Variants in SCLT1 observed in about 807,000 individuals in gnomAD.
The protein encoded by SCLT1 is sodium channel and clathrin linker 1.
A neutral mutation model predicts 112.8 loss-of-function variants in SCLT1; 78 were observed. The observed-to-expected ratio is 0.69, with a 90% CI of 0.58 to 0.83. The LOEUF (loss-of-function observed/expected upper bound fraction) is 0.83. Ranked by LOEUF, SCLT1 falls within the 40% of genes least tolerant of loss-of-function variation. The pLI is 0.00. For synonymous variants in SCLT1, 257 were observed against 254.7 expected (o/e 1.01, Z -0.09); for missense variants, 747 against 770.4 (o/e 0.97, Z 0.36).
At chr4:129,058,039 A>G (rs747178469) in intron 2 of SCLT1, among the ~76,000 whole-genome samples, 2 of 152,160 alleles carry the variant, frequency 1.3e-5, no homozygotes, top group African/African-American at 2.4e-5. Flanking sequence ...ATGAGCCATC[A>G]TGCCTGGCCC....
chr4:129,038,312 T>A (rs1251695081), intron 5 of SCLT1, among the ~76,000 whole-genome samples: 1 of 152,252 alleles, frequency 6.6e-6, no homozygotes, highest in East Asian at 1.9e-4. Flanking sequence ...GTACACCTAT[T>A]TTGGAAATTA....
chr4:128,999,973 G>A (rs1194932653), intron 6 of SCLT1, among the ~76,000 whole-genome samples, 179 bp from the exon 7 acceptor site: 1 of 151,840 alleles, frequency 6.6e-6, no homozygotes, highest in African/African-American at 2.4e-5. Context: ...ATAATTTAGA[G>A]AGTAAACTTG....
At chr4:129,086,700 CG>C (rs1561071335) in intron 1 of SCLT1, among the ~76,000 whole-genome samples, 1 of 151,882 alleles carries the variant, frequency 6.6e-6, no homozygotes, top group Non-Finnish European at 1.5e-5. Context: ...TACTGACAAG[CG>C]CAGAAGGACT....
At chr4:129,059,366 T>G (rs180772180) in intron 2 of SCLT1, among the ~76,000 whole-genome samples, 1 of 152,314 alleles carries the variant, frequency 6.6e-6, no homozygotes, top group East Asian at 1.9e-4. Flanking sequence ...CTCCTGTTTT[T>G]CTCTTATTAT....
Position 128,916,689 on chromosome 4 carries a change from C to T in SCLT1, c.1829+19966G>A, listed in dbSNP as rs891127527. ...AACAGACACTTACTTTTTCATCTAC[C>T]GTTTCAACACAGTGTAAAAACAAAT... On this transcript the variant is annotated intron_variant, in intron 18 of 20. Coordinates refer to ENST00000281142, the MANE Select transcript of SCLT1 (RefSeq NM_144643.4). Among the ~76,000 whole-genome samples, 10 of 152,196 alleles carry T rather than the reference C, an allele frequency of 6.6e-5. No individual in the cohort carries two copies. The South Asian group carries it at 8.3e-4, about 13-fold the overall frequency.
intron 20 of SCLT1, among the ~76,000 whole-genome samples, chr4:128,888,045 C>A (rs550054120): frequency 1.3e-5 from 2 of 152,276 alleles, no homozygotes; most frequent in Admixed American, 6.5e-5. Flanking sequence ...CACATCTATG[C>A]TGTCCAATGT....
intron 11 of SCLT1, 23 bp downstream of exon 11, chr4:128,965,204 G>A: frequency 8.4e-7 from 1 of 1,186,346 alleles, no homozygotes; most frequent in Non-Finnish European, 1.3e-6. Context: ...TATCAACAAA[G>A]CTAGGTGCAT....
chr4:128,960,581 A>G (rs1194167985), intron 11 of SCLT1, among the ~76,000 whole-genome samples: 2 of 152,070 alleles, frequency 1.3e-5, no homozygotes, highest in Admixed American at 1.3e-4. Flanking sequence ...TCTTCTTTGC[A>G]TATTTTTTTC....
At chr4:129,049,101 A>T (rs1438866653) in intron 2 of SCLT1, among the ~76,000 whole-genome samples, 1 of 151,830 alleles carries the variant, frequency 6.6e-6, no homozygotes, top group Non-Finnish European at 1.5e-5. Context: ...AACTAGAAAT[A>T]CCATTTGACC....
chr4:128,930,405 C>T (rs914709464), intron 18 of SCLT1, among the ~76,000 whole-genome samples: 3 of 152,180 alleles, frequency 2.0e-5, no homozygotes, highest in Non-Finnish European at 2.9e-5. Context: ...GACCTTGTGT[C>T]AGATTCACCC....
intron 5 of SCLT1, among the ~76,000 whole-genome samples, chr4:129,010,332 T>G (rs1208090758): frequency 6.6e-6 from 1 of 152,228 alleles, no homozygotes; most frequent in African/African-American, 2.4e-5. Context: ...GCAGTATAGT[T>G]TGAAGTCAGG....
At chr4:129,017,527 C>CG (rs60630152) in intron 5 of SCLT1, among the ~76,000 whole-genome samples, 3,509 of 152,026 alleles carry the variant, frequency 0.023, 114 homozygotes, top group African/African-American at 0.073. Flanking sequence ...TTTAAGAAAT[C>CG]ACTTAAAGCA....
chr4:129,070,729 T>C (rs1750931225), intron 2 of SCLT1, among the ~76,000 whole-genome samples: 1 of 152,156 alleles, frequency 6.6e-6, no homozygotes, highest in African/African-American at 2.4e-5. Context: ...TATTTATCTT[T>C]TGGGTTTTTT....
At chr4:128,925,517 T>G (rs994972325) in intron 18 of SCLT1, among the ~76,000 whole-genome samples, 9 of 151,994 alleles carry the variant, frequency 5.9e-5, no homozygotes, top group Non-Finnish European at 1.0e-4. Flanking sequence ...AGAGATGGGG[T>G]TTCACCATGT....
intron 5 of SCLT1, among the ~76,000 whole-genome samples, chr4:129,016,247 G>C (rs1175940052): frequency 6.6e-6 from 1 of 152,042 alleles, no homozygotes; most frequent in Non-Finnish European, 1.5e-5. Context: ...GTGCCATGGT[G>C]GTTTGCTGCA....
At position 128,892,506 on chromosome 4, in the gene SCLT1, A is replaced by C. The variant is rs550577039; in HGVS notation, c.1830-1369T>G. On this transcript the variant is annotated intron_variant, in intron 18 of 20. Coordinates refer to ENST00000281142, the MANE Select transcript of SCLT1 (RefSeq NM_144643.4). ...TCAACAGATTAGCACTTCCAAAATA[A>C]CTTCAGCTTTGATTTTTTTCAAATG... Among the ~76,000 whole-genome samples the C allele has an allele frequency of 5.9e-5, 9 of 152,288 alleles. No homozygotes were observed. The East Asian group carries it at 1.7e-3, about 29-fold the overall frequency.
chr4:128,877,853 C>T (rs928378339), intron 3 of SCLT1, among the ~76,000 whole-genome samples: 1 of 152,174 alleles, frequency 6.6e-6, no homozygotes, highest in Non-Finnish European at 1.5e-5. Flanking sequence ...GCAGGATAGT[C>T]TGCTTACAGT....
chr4:129,003,718 T>A (rs767374962), intron 6 of SCLT1, 23 bp downstream of exon 6: 1 of 1,564,630 alleles, frequency 6.4e-7, no homozygotes, highest in Non-Finnish European at 8.6e-7. Flanking sequence ...AGAATATAAT[T>A]TTTAAAAATA....
intron 9 of SCLT1, among the ~76,000 whole-genome samples, chr4:128,975,515 C>A (rs1392168092): frequency 6.6e-6 from 1 of 152,074 alleles, no homozygotes; most frequent in Non-Finnish European, 1.5e-5. Context: ...TATTTTAAGA[C>A]AAATTTTTAT....
Sources: gnomAD v4.1 joint callset for allele counts (sites outside exome capture counted in the v4.1 genomes callset) on GRCh38, gnomAD v4.1.1 for gene constraint, MANE v1.5 for transcripts, NCBI Gene and HGNC (gene_info 2026-07-23, HGNC 2026-07-21) for gene names.